Variants in GALR2 observed in about 807,000 individuals in gnomAD.
The protein encoded by GALR2 is galanin receptor 2.
Under a neutral mutation model 7.2 loss-of-function variants are expected in GALR2, and 5 were observed. That is an observed-to-expected ratio of 0.69 (90% confidence interval 0.36 to 1.45). The LOEUF (loss-of-function observed/expected upper bound fraction) is 1.45. GALR2 is among the 40% of genes most tolerant of loss of function. GALR2 has a pLI of 0.03. For synonymous variants in GALR2, 300 were observed against 263.9 expected (o/e 1.14, Z -1.32); for missense variants, 561 against 555.7 (o/e 1.01, Z -0.10).
chr17:76,074,238 C>T (rs1423451835), upstream of GALR2, among the ~76,000 whole-genome samples: 1 of 152,218 alleles, frequency 6.6e-6, no homozygotes, highest in African/African-American at 2.4e-5. The surrounding 1 kb of genome is among the most constrained non-coding windows in gnomAD (Gnocchi z 6.7). Context: ...ACCGTTTGAA[C>T]CCGGGAGACG....
At chr17:76,072,414 A>ACCG (rs1401128576), upstream of GALR2, 18 of 1,580,614 alleles carry the variant, frequency 1.1e-5, no homozygotes, top group African/African-American at 1.2e-4. The surrounding 1 kb of genome is among the most constrained non-coding windows in gnomAD (Gnocchi z 4.5). Flanking sequence ...CACCGCCGCT[A>ACCG]CCGCCGCCGC....
Position 76,076,697 on chromosome 17 carries a change from G to C in GALR2, c.430G>C (p.Ala144Pro). ...RELRTPRNAL[A>P]AIGLIWGLSL... Reference sequence around the variant, plus strand: ...GCTGCGCACGCCTCGAAACGCGCTGGCAGCCATCGGGCTCATCTGGGGGCT... The same window carrying C: ...GCTGCGCACGCCTCGAAACGCGCTGCCAGCCATCGGGCTCATCTGGGGGCT... The change falls in exon 2 of 2, where the codon GCA becomes CCA. Residue 144 changes from alanine (A) to proline (P), a missense_variant. Transcript: ENST00000329003. This position sits in a 1 kb window ranked among gnomAD's most constrained non-coding sequence, Gnocchi z 6.5. 1 of 1,602,194 alleles carries C rather than the reference G, an allele frequency of 6.2e-7. No homozygotes were observed. Among genetic ancestry groups the C allele is most frequent in the Non-Finnish European group, 8.5e-7 (1 of 1,178,934 alleles).
upstream of GALR2, chr17:76,072,452 C>T (rs765398337): frequency 2.5e-6 from 4 of 1,578,862 alleles, no homozygotes; most frequent in South Asian, 3.4e-5. The surrounding 1 kb of genome is among the most constrained non-coding windows in gnomAD (Gnocchi z 4.5). Context: ...CCACTGCCGC[C>T]GCCGCCGCCG....
chr17:76,072,643 G>C, upstream of GALR2: 2 of 1,388,394 alleles, frequency 1.4e-6, no homozygotes, highest in Non-Finnish European at 1.9e-6. The surrounding 1 kb of genome is among the most constrained non-coding windows in gnomAD (Gnocchi z 4.5). Flanking sequence ...GCTGGAGCGC[G>C]CCTGCGCGAG....
At chr17:76,072,421 C>T (rs1194959914), upstream of GALR2, 5 of 1,585,386 alleles carry the variant, frequency 3.2e-6, no homozygotes, top group Non-Finnish European at 3.4e-6. This position sits in a 1 kb window ranked among gnomAD's most constrained non-coding sequence, Gnocchi z 4.5. Context: ...GCTACCGCCG[C>T]CGCCACTGCC....
chr17:76,076,591 A>G lies in GALR2; in HGVS notation c.369-45A>G. Reference sequence around the variant, plus strand: ...GCAGGGGTCGCGGCCCTCCAGCATGAATGTGCCCGCTCAGCCGACGTCTCC... The same window carrying G: ...GCAGGGGTCGCGGCCCTCCAGCATGGATGTGCCCGCTCAGCCGACGTCTCC... On this transcript the variant is annotated intron_variant, in intron 1 of 1. Transcript: ENST00000329003. This position sits in a 1 kb window ranked among gnomAD's most constrained non-coding sequence, Gnocchi z 6.5. 1 of 1,372,454 alleles carries G rather than the reference A, an allele frequency of 7.3e-7. No individual in the cohort carries two copies. Among genetic ancestry groups the G allele is most frequent in the Non-Finnish European group, 1.0e-6 (1 of 997,584 alleles). The allele number at this position is 1,372,454 out of a possible 1,614,324, so 85.0% of individuals were successfully genotyped here. A position where few individuals can be genotyped will look rare whatever the true frequency, so the allele number is the denominator to read the frequency against.
Position 76,077,424 on chromosome 17 carries a change from T to C in GALR2, c.1157T>C (p.Val386Ala). The C allele has an allele frequency of 6.9e-7, 1 of 1,449,252 alleles. No individual in the cohort carries two copies. The highest frequency in any genetic ancestry group is 9.0e-7 in the Non-Finnish European group (1 of 1,107,004). 89.8% of individuals were successfully genotyped at this position (1,449,252 alleles called of 1,614,324 possible). Residue 386 changes from valine to alanine, a missense_variant, in exon 2 of 2, where the codon GTG becomes GCG. By Grantham distance (64) the Val-to-Ala change is moderately conservative. Transcript: ENST00000329003. ...GGCGACAGCATCCTGACGGTTGATG[T>C]GGCCTGAAAGCACTTAGCGGGCGCG... ...KAGDSILTVDVA is the reference protein window; with the variant it reads ...KAGDSILTVDAA
At chr17:76,072,345 C>T, upstream of GALR2, 1 of 1,612,718 alleles carries the variant, frequency 6.2e-7, no homozygotes, top group Non-Finnish European at 8.5e-7. This position sits in a 1 kb window ranked among gnomAD's most constrained non-coding sequence, Gnocchi z 4.5. Context: ...CTTTGTTTGC[C>T]TTCGATCCGG....
At chr17:76,072,997 G>A (rs1380213856), upstream of GALR2, among the ~76,000 whole-genome samples, 2 of 152,240 alleles carry the variant, frequency 1.3e-5, no homozygotes, top group Non-Finnish European at 2.9e-5. The surrounding 1 kb of genome is among the most constrained non-coding windows in gnomAD (Gnocchi z 4.5). Context: ...CAAGCCGGAG[G>A]AAGCGCTGCG....
Position 76,076,844 on chromosome 17 carries a change from G to A in GALR2, c.577G>A (p.Val193Ile). ...RRRAMDICTF[V>I]FSYLLPVLVL... is the part of the protein sequence containing the mutation. ...CCGCGCCATGGACATCTGCACCTTC[G>A]TCTTCAGCTACCTGCTTCCTGTGCT... Residue 193 changes from valine (V) to isoleucine (I), a missense_variant, in exon 2 of 2, where the codon GTC (valine) becomes ATC (isoleucine). Coordinates refer to ENST00000329003, the MANE Select transcript of GALR2 (RefSeq NM_003857.4). The surrounding 1 kb of genome is among the most constrained non-coding windows in gnomAD (Gnocchi z 6.5). 6.2e-7 allele frequency: 1 copy of A among 1,605,084 alleles called. No individual in the cohort carries two copies. The highest frequency in any genetic ancestry group is 8.5e-7 in the Non-Finnish European group (1 of 1,179,480).
rs1205964568 is a variant in GALR2 at position 76,076,701 on chromosome 17, C to A, written c.434C>A (p.Ala145Asp). Residue 145 changes from alanine (A) to aspartate (D), a missense_variant, in exon 2 of 2, where the codon GCC (alanine) becomes GAC (aspartate). Physicochemically the swap from Ala to Asp is moderately radical, Grantham distance 126 (BLOSUM62 -2). Transcript: ENST00000329003. The surrounding 1 kb of genome is among the most constrained non-coding windows in gnomAD (Gnocchi z 6.5). ...ELRTPRNALA[A>D]IGLIWGLSLL... ...CGCACGCCTCGAAACGCGCTGGCAG[C>A]CATCGGGCTCATCTGGGGGCTGTCG... The A allele has an allele frequency of 6.2e-7, 1 of 1,602,854 alleles. No homozygotes were observed.
At position 76,075,235 on chromosome 17, in the gene GALR2, G is replaced by A. The variant is rs1567940975; in HGVS notation, c.352G>A (p.Ala118Thr). The A allele has an allele frequency of 6.2e-7, 1 of 1,603,612 alleles. No individual in the cohort carries two copies. The highest frequency in any genetic ancestry group is 1.8e-4 in the Middle Eastern group (1 of 5,506). Residue 118 changes from alanine to threonine, a missense_variant, in exon 1 of 2, where the codon GCC becomes ACC. Transcript: ENST00000329003. The surrounding 1 kb of genome is among the most constrained non-coding windows in gnomAD (Gnocchi z 5.9). ...GCACGCCAGCAGCTTCACGCTGGCC[G>A]CCGTCTCCCTGGACAGGTGAGCCAG... is the stretch of plus-strand genomic sequence containing the variant. ...TMHASSFTLAAVSLDRYLAIR... is the reference protein window; with the variant it reads ...TMHASSFTLATVSLDRYLAIR...
upstream of GALR2, chr17:76,072,747 C>T: frequency 1.6e-6 from 1 of 615,082 alleles, no homozygotes. This position sits in a 1 kb window ranked among gnomAD's most constrained non-coding sequence, Gnocchi z 4.5. Context: ...AGGGGGCAGT[C>T]CCACCTCCCA....
chr17:76,076,711 C>T lies in GALR2; in HGVS notation c.444C>T (p.Leu148=), dbSNP rs1186590366. 5.0e-6 allele frequency: 8 copies of T among 1,603,916 alleles called. No homozygotes were observed. Among genetic ancestry groups the T allele is most frequent in the Non-Finnish European group, 6.8e-6 (8 of 1,179,652 alleles). The change falls in exon 2 of 2, where the codon CTC becomes CTT. Residue 148 remains leucine (L), a synonymous_variant. Coordinates refer to ENST00000329003, the MANE Select transcript of GALR2 (RefSeq NM_003857.4). This position sits in a 1 kb window ranked among gnomAD's most constrained non-coding sequence, Gnocchi z 6.5. The stretch of plus-strand genomic sequence containing the variant: ...GAAACGCGCTGGCAGCCATCGGGCT[C>T]ATCTGGGGGCTGTCGCTGCTCTTCT... The part of the protein sequence containing the change: ...TPRNALAAIG[L]IWGLSLLFSG...
upstream of GALR2, chr17:76,074,737 C>A: frequency 2.4e-6 from 2 of 845,906 alleles, no homozygotes; most frequent in East Asian, 2.9e-5. This position sits in a 1 kb window ranked among gnomAD's most constrained non-coding sequence, Gnocchi z 6.7. Context: ...GCACCCCCAT[C>A]CCCGCCCCAG....
Position 76,077,334 on chromosome 17 carries a change from C to T in GALR2, c.1067C>T (p.Pro356Leu). 1.9e-6 allele frequency: 3 copies of T among 1,560,390 alleles called. No individual in the cohort carries two copies. Among genetic ancestry groups the T allele is most frequent in the Non-Finnish European group, 2.6e-6 (3 of 1,160,822 alleles). Residue 356 changes from proline (P) to leucine (L), a missense_variant, in exon 2 of 2, where the codon CCC becomes CTC. Pro to Leu is a moderately conservative substitution (Grantham distance 98). Transcript: ENST00000329003. ...GCGGCGGGGGCCCTTCGTCCCTGCC[C>T]CGGCGCTTCCCAGCCATGCATCCTC... ...SEAAGALRPC[P>L]GASQPCILEP...
At position 76,075,026 on chromosome 17, in the gene GALR2, C is replaced by T. The variant is rs867896018; in HGVS notation, c.143C>T (p.Ala48Val). 6.2e-6 allele frequency: 10 copies of T among 1,609,966 alleles called. No homozygotes were observed. Among genetic ancestry groups the T allele is most frequent in the East Asian group, 2.2e-5 (1 of 44,860 alleles). The change falls in exon 1 of 2, where the codon GCG becomes GTG. Residue 48 changes from alanine (A) to valine (V), a missense_variant. Coordinates refer to ENST00000329003, the MANE Select transcript of GALR2 (RefSeq NM_003857.4). This position sits in a 1 kb window ranked among gnomAD's most constrained non-coding sequence, Gnocchi z 5.9. ...VGTVGNTLVLAVLLRGGQAVS... is the reference protein window; with the variant it reads ...VGTVGNTLVLVVLLRGGQAVS... ...ACCGTGGGCAACACGCTGGTGCTGG[C>T]GGTGCTGCTGCGCGGCGGCCAGGCG...
Position 76,077,187 on chromosome 17 carries a change from G to T in GALR2, c.920G>T (p.Cys307Phe), listed in dbSNP as rs2066894720. Reference sequence around the variant, plus strand: ...TTCCGCAAAGGCTTCCGCACGATCTGCGCGGGCCTGCTGGGCCGTGCCCCA... The same window carrying T: ...TTCCGCAAAGGCTTCCGCACGATCTTCGCGGGCCTGCTGGGCCGTGCCCCA... ...KHFRKGFRTI[C>F]AGLLGRAPGR... is the part of the protein sequence containing the mutation. The change falls in exon 2 of 2, where the codon TGC becomes TTC. Residue 307 changes from cysteine (C) to phenylalanine (F), a missense_variant. Coordinates refer to ENST00000329003, the MANE Select transcript of GALR2 (RefSeq NM_003857.4). 1.2e-6 allele frequency: 2 copies of T among 1,610,334 alleles called. No homozygotes were observed. The highest frequency in any genetic ancestry group is 1.7e-4 in the Middle Eastern group (1 of 6,060).
rs759979593 is a variant in GALR2, at chr17:76,077,100, A to T, written c.833A>T (p.His278Leu). Residue 278 changes from histidine (H) to leucine (L), a missense_variant, in exon 2 of 2, where the codon CAC (histidine) becomes CTC (leucine). Transcript: ENST00000329003. The stretch of plus-strand genomic sequence containing the variant: ...ACTTATGCGCTTCGCATCCTCTCGC[A>T]CCTGGTCTCCTACGCCAACTCCTGC... ...RATYALRILS[H>L]LVSYANSCVN... 1 of 1,612,860 alleles carries T rather than the reference A, an allele frequency of 6.2e-7. No individual in the cohort carries two copies. Among genetic ancestry groups the T allele is most frequent in the Non-Finnish European group, 8.5e-7 (1 of 1,179,894 alleles).
Sources: gnomAD v4.1 joint callset for allele counts (sites outside exome capture counted in the v4.1 genomes callset) on GRCh38, gnomAD v4.1.1 for gene constraint, Gnocchi (gnomAD v3.1) non-coding constraint, MANE v1.5 for transcripts, NCBI Gene and HGNC (gene_info 2026-07-23, HGNC 2026-07-21) for gene names.